TBC1D1: variants seen among roughly 807,000 people sequenced by gnomAD.
The protein encoded by TBC1D1 is TBC1 (tre-2/USP6, BUB2, cdc16) domain family, member 1.
Under a neutral mutation model 125.6 loss-of-function variants are expected in TBC1D1, and 89 were observed. That is an observed-to-expected ratio of 0.71 (90% CI 0.60 to 0.85). The LOEUF is 0.85. Ranked by LOEUF, TBC1D1 falls within the 40% of genes least tolerant of loss-of-function variation. TBC1D1 has a pLI of 0.00. For synonymous variants in TBC1D1, 565 were observed against 564.1 expected, an observed-to-expected ratio of 1.00 and a Z score of -0.02; for missense variants, 1,377 against 1,469.2, an observed-to-expected ratio of 0.94 and a Z score of 1.03.
At chr4:37,954,056 G>A (rs1469451413) in intron 2 of TBC1D1, among the ~76,000 whole-genome samples, 2 of 152,162 alleles carry the variant, frequency 1.3e-5, no homozygotes, top group African/African-American at 4.8e-5. Flanking sequence ...AATAAGGATA[G>A]GAATGCAAGC....
intron 2 of TBC1D1, among the ~76,000 whole-genome samples, chr4:37,990,013 C>T (rs938712264): frequency 1.3e-5 from 2 of 152,206 alleles, no homozygotes; most frequent in Non-Finnish European, 2.9e-5. Flanking sequence ...AATTGTAGGA[C>T]TGCCCAAGGC....
At chr4:38,024,404 C>T (rs890805804) in intron 6 of TBC1D1, among the ~76,000 whole-genome samples, 1 of 152,310 alleles carries the variant, frequency 6.6e-6, no homozygotes, top group East Asian at 1.9e-4. Flanking sequence ...CAGAGCTCCC[C>T]TTGATAAATC....
At chr4:38,063,917 G>A (rs988425498) in intron 12 of TBC1D1, among the ~76,000 whole-genome samples, 7 of 151,972 alleles carry the variant, frequency 4.6e-5, no homozygotes, top group African/African-American at 7.3e-5. Flanking sequence ...GCGTGAGCCC[G>A]ACCCACCGCA....
At chr4:38,026,751 G>A (rs144678690) in intron 6 of TBC1D1, among the ~76,000 whole-genome samples, 57 of 152,310 alleles carry the variant, frequency 3.7e-4, no homozygotes, top group African/African-American at 1.3e-3. Context: ...GCTCTAAGCC[G>A]TATTTGTGTG....
At position 38,014,495 on chromosome 4, in the gene TBC1D1, C is replaced by G. The variant is rs1742205785; in HGVS notation, c.418-14C>G. ...ACTGCATGTTCCAAATAACACGCCT[C>G]TCTCTCTCCTCAGGTGCCTGAGATC... On this transcript the variant is annotated splice_polypyrimidine_tract_variant and intron_variant, in intron 2 of 19. Transcript: ENST00000261439. This position sits in a 1 kb window ranked among gnomAD's most constrained non-coding sequence, Gnocchi z 5.1. 6.8e-6 allele frequency: 11 copies of G among 1,607,646 alleles called. No individual in the cohort carries two copies. The highest frequency in any genetic ancestry group is 9.4e-6 in the Non-Finnish European group (11 of 1,175,856).
chr4:38,007,501 C>T (rs988641243), intron 2 of TBC1D1, among the ~76,000 whole-genome samples: 12 of 152,226 alleles, frequency 7.9e-5, no homozygotes, highest in African/African-American at 2.9e-4. Context: ...GATCCACCCA[C>T]CTCAGCCTCC....
At chr4:37,901,420 G>C (rs900027359) in intron 1 of TBC1D1, among the ~76,000 whole-genome samples, 2 of 152,146 alleles carry the variant, frequency 1.3e-5, no homozygotes, top group African/African-American at 4.8e-5. Context: ...GCCTCTCAAA[G>C]TGCTGGGATT....
In TBC1D1 at chr4:38,036,382, A is replaced by C. The variant is rs79667379; in HGVS notation, c.1413+684A>C. ...TGTCTTTTGGACTCCATGTGAGTCCATTCATAATGAACCATTAATAGCTTC... is the reference window on the plus strand; with the variant it reads ...TGTCTTTTGGACTCCATGTGAGTCCCTTCATAATGAACCATTAATAGCTTC... On this transcript the variant is annotated intron_variant, in intron 8 of 19. Transcript: ENST00000261439. Among the ~76,000 whole-genome samples the C allele has an allele frequency of 9.0e-3, 1,375 of 152,318 alleles. 20 individuals are homozygous for C. Among genetic ancestry groups the C allele is most frequent in the African/African-American group, 0.031 (1,308 of 41,568 alleles).
chr4:37,981,858 C>T (rs908589592), intron 2 of TBC1D1, among the ~76,000 whole-genome samples: 4 of 152,054 alleles, frequency 2.6e-5, no homozygotes, highest in South Asian at 2.1e-4. Context: ...GCAGAGGGAC[C>T]ACTTAGGAGG....
At chr4:38,080,134 A>G (rs991641045) in intron 12 of TBC1D1, among the ~76,000 whole-genome samples, 4 of 152,214 alleles carry the variant, frequency 2.6e-5, no homozygotes, top group Admixed American at 1.3e-4. Flanking sequence ...GACTGAACTC[A>G]TGGTCTAGGT....
chr4:38,088,863 C>G (rs11940109), intron 12 of TBC1D1, among the ~76,000 whole-genome samples: 4,732 of 152,210 alleles, frequency 0.031, 225 homozygotes, highest in African/African-American at 0.11. Context: ...TCTCCAGAAC[C>G]TGCCCTATTA....
chr4:37,975,851 A>G (rs1732964661), intron 2 of TBC1D1, among the ~76,000 whole-genome samples: 1 of 152,166 alleles, frequency 6.6e-6, no homozygotes, highest in South Asian at 2.1e-4. Context: ...TCTAAGATCT[A>G]TATCTAGTAT....
intron 19 of TBC1D1, among the ~76,000 whole-genome samples, chr4:38,133,761 C>T (rs1765998434): frequency 6.6e-6 from 1 of 152,202 alleles, no homozygotes; most frequent in African/African-American, 2.4e-5. Context: ...GTTCTCCCCT[C>T]TAGAAACTTC....
At chr4:37,913,868 A>G (rs1004401107) in intron 2 of TBC1D1, among the ~76,000 whole-genome samples, 1 of 151,718 alleles carries the variant, frequency 6.6e-6, no homozygotes, top group African/African-American at 2.4e-5. Context: ...GTCACGAGCC[A>G]CCTAGAGCTT....
chr4:38,109,248 C>T (rs1761842663), intron 15 of TBC1D1, among the ~76,000 whole-genome samples: 1 of 152,196 alleles, frequency 6.6e-6, no homozygotes, highest in Non-Finnish European at 1.5e-5. Flanking sequence ...AATTCTTGCA[C>T]CACCAGCCAC....
At chr4:38,027,987 G>A in intron 7 of TBC1D1, 108 bp downstream of exon 7, 1 of 735,290 alleles carries the variant, frequency 1.4e-6, no homozygotes, top group Middle Eastern at 2.5e-4. Flanking sequence ...CCTGGGGGAA[G>A]GTGCCTTGAG....
At chr4:38,001,314 A>T (rs1739039454) in intron 2 of TBC1D1, among the ~76,000 whole-genome samples, 1 of 152,198 alleles carries the variant, frequency 6.6e-6, no homozygotes, top group Admixed American at 6.5e-5. Context: ...TGGGGTGTTT[A>T]GAGCTTCCAT....
chr4:38,100,123 G>T (rs889088645), intron 14 of TBC1D1, among the ~76,000 whole-genome samples: 2 of 152,206 alleles, frequency 1.3e-5, no homozygotes, highest in African/African-American at 4.8e-5. Flanking sequence ...GTGCGTGTGT[G>T]TGTATGTACC....
At chr4:38,013,388 G>C (rs1741943431) in intron 2 of TBC1D1, among the ~76,000 whole-genome samples, 1 of 152,006 alleles carries the variant, frequency 6.6e-6, no homozygotes, top group Non-Finnish European at 1.5e-5. Context: ...TTGGAAGGGG[G>C]ATTTTTAAAA....
Sources: gnomAD v4.1 joint callset for allele counts (sites outside exome capture counted in the v4.1 genomes callset) on GRCh38, gnomAD v4.1.1 for gene constraint, Gnocchi (gnomAD v3.1) non-coding constraint, MANE v1.5 for transcripts, NCBI Gene and HGNC (gene_info 2026-07-23, HGNC 2026-07-21) for gene names.